Variants in VSTM4 observed in about 807,000 individuals in gnomAD.
VSTM4 encodes V-set and transmembrane domain containing 4, also known as V-set and transmembrane domain-containing protein 4.
VSTM4 carries 20 observed loss-of-function variants against 36.4 expected under a neutral mutation model. That is an observed-to-expected ratio of 0.55 (90% CI 0.39 to 0.80). The LOEUF is 0.80. Ranked by LOEUF, VSTM4 falls within the 30% of genes least tolerant of loss-of-function variation. VSTM4 has a pLI of 0.00. For synonymous variants in VSTM4, 182 were observed against 173.9 expected (o/e 1.05, Z -0.37); for missense variants, 392 against 404.5 (o/e 0.97, Z 0.26).
intron 6 of VSTM4, among the ~76,000 whole-genome samples, chr10:49,047,246 C>T (rs1843627020): frequency 6.6e-6 from 1 of 152,142 alleles, no homozygotes; most frequent in Admixed American, 6.5e-5. Flanking sequence ...TCGTCTCCCT[C>T]AGCAAGGTCA....
At chr10:49,030,268 T>C (rs1843325066) in intron 7 of VSTM4, among the ~76,000 whole-genome samples, 2 of 152,290 alleles carry the variant, frequency 1.3e-5, no homozygotes, top group Admixed American at 6.5e-5. Flanking sequence ...GCATAACTCA[T>C]AGTAGGTCTT....
intron 7 of VSTM4, among the ~76,000 whole-genome samples, chr10:49,038,478 G>A (rs534733441): frequency 8.5e-5 from 13 of 152,314 alleles, no homozygotes; most frequent in Admixed American, 4.6e-4. Flanking sequence ...GGTGTTTCTT[G>A]AGTACAGAGT....
In VSTM4 at chr10:49,019,091, T is replaced by A. The variant is rs1843142410; in HGVS notation, c.*559A>T. 6.6e-6 allele frequency: 1 copy of A among 152,238 alleles called. No individual in the cohort carries two copies. Among genetic ancestry groups the A allele is most frequent in the African/African-American group, 2.4e-5 (1 of 41,452 alleles). The allele number at this position is 152,238 out of a possible 1,614,324, so 9.4% of individuals were successfully genotyped here. A position where few individuals can be genotyped will look rare whatever the true frequency, so the allele number is the denominator to read the frequency against. ...TCTAGTCAGTCTGCCCCTCTGGCCTTAATCTTCAGGGTTAGTGCATCTATT... is the reference window on the plus strand; with the variant it reads ...TCTAGTCAGTCTGCCCCTCTGGCCTAAATCTTCAGGGTTAGTGCATCTATT... On this transcript the variant is annotated 3_prime_UTR_variant, in exon 8 of 8. Transcript: ENST00000332853.
In VSTM4 at chr10:49,019,434, A is replaced by G; in HGVS notation, c.*216T>C. On this transcript the variant is annotated 3_prime_UTR_variant, in exon 8 of 8. Transcript: ENST00000332853. ...ACGCTCAGGGCTCAAACCCAGGCGC[A>G]TCTTGTCCCGGGAGATCTGTCAAGA... 2.1e-6 allele frequency: 1 copy of G among 469,788 alleles called. No homozygotes were observed. Among genetic ancestry groups the G allele is most frequent in the Non-Finnish European group, 3.3e-6 (1 of 303,008 alleles). 29.1% of individuals were successfully genotyped at this position (469,788 alleles called of 1,614,324 possible).
At chr10:49,055,436 A>T (rs768491788) in intron 5 of VSTM4, among the ~76,000 whole-genome samples, 3 of 152,208 alleles carry the variant, frequency 2.0e-5, no homozygotes, top group Non-Finnish European at 2.9e-5. Context: ...CCCCATGCCC[A>T]GAACATTATG....
chr10:49,061,372 G>A (rs2131974560), intron 5 of VSTM4, among the ~76,000 whole-genome samples: 1 of 152,240 alleles, frequency 6.6e-6, no homozygotes, highest in East Asian at 1.9e-4. Context: ...TGGTTAGAGT[G>A]TTTGATCTGT....
rs776030125 is a variant in VSTM4, at chr10:49,018,002, T to C, written c.*1648A>G. 1.3e-5 allele frequency: 2 copies of C among 152,178 alleles called. No individual in the cohort carries two copies. Among genetic ancestry groups the C allele is most frequent in the Non-Finnish European group, 2.9e-5 (2 of 68,042 alleles). The allele number at this position is 152,178 out of a possible 1,614,324, so 9.4% of individuals were successfully genotyped here. On this transcript the variant is annotated 3_prime_UTR_variant, in exon 8 of 8. Transcript: ENST00000332853. ...TCGAGATCTGGCAGAGAGGGAGGAA[T>C]GAGACACAGGTGTTATCCAGAGAGG... is the stretch of plus-strand genomic sequence containing the variant.
At chr10:49,082,298 GCCAGA>G (rs1276290393) in intron 3 of VSTM4, among the ~76,000 whole-genome samples, 4 of 152,334 alleles carry the variant, frequency 2.6e-5, no homozygotes, top group Admixed American at 2.6e-4. Context: ...AAAGGTTGAA[GCCAGA>G]CCTTTCAACA....
chr10:49,047,541 G>C (rs768089932), intron 6 of VSTM4, among the ~76,000 whole-genome samples: 4 of 152,240 alleles, frequency 2.6e-5, no homozygotes, highest in Non-Finnish European at 4.4e-5. Context: ...GGCATTGAAA[G>C]TCAGGCTCTA....
intron 3 of VSTM4, among the ~76,000 whole-genome samples, chr10:49,082,461 C>T (rs753996672): frequency 3.3e-5 from 5 of 152,072 alleles, no homozygotes; most frequent in African/African-American, 9.7e-5. Flanking sequence ...GTCGGGAGTT[C>T]GAAACCAGCC....
rs1843106278 is a variant in VSTM4 at position 49,016,458 on chromosome 10, T to C, written c.*3192A>G. On this transcript the variant is annotated 3_prime_UTR_variant, in exon 8 of 8. Coordinates refer to ENST00000332853, the MANE Select transcript of VSTM4 (RefSeq NM_001031746.5). ...GATTTCTTTCTCCCCAGGATTTTGATATTCCAGGGGGCCATGTGCATGCTT... is the reference window on the plus strand; with the variant it reads ...GATTTCTTTCTCCCCAGGATTTTGACATTCCAGGGGGCCATGTGCATGCTT... The C allele has an allele frequency of 6.6e-6, 1 of 152,208 alleles. No individual in the cohort carries two copies. The highest frequency in any genetic ancestry group is 1.5e-5 in the Non-Finnish European group (1 of 68,050). The allele number at this position is 152,208 out of a possible 1,614,324, so 9.4% of individuals were successfully genotyped here. A position where few individuals can be genotyped will look rare whatever the true frequency, so the allele number is the denominator to read the frequency against.
rs767218015 is a variant in VSTM4, at chr10:49,107,753, G to A, written c.298C>T (p.Arg100Cys). The A allele has an allele frequency of 7.9e-5, 128 of 1,614,110 alleles. 1 individual carries two copies. The Admixed American group carries it at 2.0e-3, about 25-fold the overall frequency. The change falls in exon 2 of 8, where the codon CGC becomes TGC. Residue 100 changes from arginine (R) to cysteine (C), a missense_variant. Transcript: ENST00000332853. ...GCCCCCCGCTGCTCCTCCAGCAGGC[G>A]CAGCCTCCGCCGTTTGGCGCTGCGG... ...FSRSAKRRRL[R>C]LLEEQRGALY...
rs1344649283 is a variant in VSTM4, at chr10:49,107,577, G to C, written c.457+17C>G. On this transcript the variant is annotated intron_variant, in intron 2 of 7. Transcript: ENST00000332853. ...TGCCCCACCACCACCTCTACCCAGG[G>C]AGACCAAGACCCTCACCTCTCATTT... The C allele has an allele frequency of 6.3e-7, 1 of 1,588,206 alleles. No individual in the cohort carries two copies. Among genetic ancestry groups the C allele is most frequent in the African/African-American group, 1.3e-5 (1 of 74,530 alleles).
chr10:49,039,480 G>C (rs1212872680), intron 7 of VSTM4, among the ~76,000 whole-genome samples: 1 of 152,130 alleles, frequency 6.6e-6, no homozygotes, highest in African/African-American at 2.4e-5. Context: ...GCTTCCCTGG[G>C]AAACGTGCAG....
At chr10:49,039,840 T>C (rs1268435147) in intron 7 of VSTM4, among the ~76,000 whole-genome samples, 1 of 152,216 alleles carries the variant, frequency 6.6e-6, no homozygotes, top group African/African-American at 2.4e-5. Flanking sequence ...TTCCGCATCA[T>C]AGAAAAGTTC....
intron 5 of VSTM4, among the ~76,000 whole-genome samples, chr10:49,049,128 C>T (rs1309714781): frequency 6.6e-6 from 1 of 152,160 alleles, no homozygotes; most frequent in Non-Finnish European, 1.5e-5. Flanking sequence ...CTGTGACTGC[C>T]GGAGCTTTCT....
chr10:49,098,620 C>G (rs1440225782), intron 2 of VSTM4, among the ~76,000 whole-genome samples: 1 of 152,240 alleles, frequency 6.6e-6, no homozygotes, highest in Non-Finnish European at 1.5e-5. Flanking sequence ...GCAGAGTCCC[C>G]AAAGCCCTGG....
chr10:49,092,873 C>T (rs1761688972), intron 2 of VSTM4, among the ~76,000 whole-genome samples: 1 of 152,120 alleles, frequency 6.6e-6, no homozygotes, highest in Non-Finnish European at 1.5e-5. Context: ...AGCACACAGA[C>T]AGGCACTGGT....
intron 4 of VSTM4, among the ~76,000 whole-genome samples, chr10:49,072,657 G>A (rs1163964700): frequency 6.6e-6 from 1 of 152,234 alleles, no homozygotes; most frequent in Non-Finnish European, 1.5e-5. Context: ...CCAGCGTCCA[G>A]TCTAGGCATG....
Sources: gnomAD v4.1 joint callset for allele counts (sites outside exome capture counted in the v4.1 genomes callset) on GRCh38, gnomAD v4.1.1 for gene constraint, MANE v1.5 for transcripts, NCBI Gene and HGNC (gene_info 2026-07-23, HGNC 2026-07-21) for gene names.